Variants in MAGI1 observed in about 807,000 individuals in gnomAD.
MAGI1 encodes the protein membrane associated guanylate kinase, WW and PDZ domain containing 1.
MAGI1 carries 58 observed loss-of-function variants against 139.9 expected under a neutral mutation model. That is an observed-to-expected ratio of 0.41 (90% CI 0.34 to 0.52). The LOEUF is 0.52. Ranked by LOEUF, MAGI1 falls within the 20% of genes least tolerant of loss-of-function variation. MAGI1 has a pLI of 0.12. For missense variants in MAGI1, 1,874 were observed against 1,901.6 expected (o/e 0.99, Z 0.27); for synonymous variants, 812 against 737.9 (o/e 1.10, Z -1.63).
intron 1 of MAGI1, among the ~76,000 whole-genome samples, chr3:65,922,305 T>G (rs902998704): frequency 6.6e-6 from 1 of 152,172 alleles, no homozygotes; most frequent in African/African-American, 2.4e-5. Flanking sequence ...TGGAACCACA[T>G]GTGACCCTAT....
chr3:65,922,666 T>C (rs2062266398), intron 1 of MAGI1, among the ~76,000 whole-genome samples: 1 of 152,216 alleles, frequency 6.6e-6, no homozygotes. Flanking sequence ...CAGTTTGTGA[T>C]ATTTTATTAC....
chr3:65,554,015 T>C (rs1293497644), intron 2 of MAGI1, among the ~76,000 whole-genome samples: 4 of 152,248 alleles, frequency 2.6e-5, no homozygotes, highest in Non-Finnish European at 5.9e-5. Context: ...TGAGCTTTTT[T>C]AGATTTTTTT....
In MAGI1 at chr3:65,748,887, G is replaced by A. The variant is rs150435498; in HGVS notation, c.314-126799C>T. ...CTGGTGAAATGACACGGACAAAAGGGCAGAAACAACACAGGATCCCAAAGC... is the reference window on the plus strand; with the variant it reads ...CTGGTGAAATGACACGGACAAAAGGACAGAAACAACACAGGATCCCAAAGC... On this transcript the variant is annotated intron_variant, in intron 1 of 22. Transcript: ENST00000402939. Among the ~76,000 whole-genome samples, 20 of 152,240 alleles carry A rather than the reference G, an allele frequency of 1.3e-4. No homozygotes were observed. The East Asian group carries it at 3.9e-3, about 29-fold the overall frequency.
intron 1 of MAGI1, among the ~76,000 whole-genome samples, chr3:65,836,288 A>T (rs913912210): frequency 1.7e-4 from 26 of 152,322 alleles, no homozygotes; most frequent in African/African-American, 6.3e-4. Flanking sequence ...AGAAGAATAA[A>T]CCACTCTACT....
rs146163495 is a variant in MAGI1, at chr3:65,916,282, T to A, written c.313+121714A>T. ...CGGGGTTTCGCCATGATAGCTAGGC[T>A]GATCTCAAATTTCTGGCCTCAAGTG... is the stretch of plus-strand genomic sequence containing the variant. On this transcript the variant is annotated intron_variant, in intron 1 of 22. Transcript: ENST00000402939. 1.3e-3 allele frequency among the ~76,000 whole-genome samples: 204 copies of A among 152,262 alleles called. 1 individual carries two copies. Among genetic ancestry groups the A allele is most frequent in the Non-Finnish European group, 2.6e-3 (176 of 68,016 alleles).
intron 2 of MAGI1, among the ~76,000 whole-genome samples, chr3:65,606,961 G>C: frequency 6.6e-6 from 1 of 152,044 alleles, no homozygotes; most frequent in East Asian, 1.9e-4. Flanking sequence ...CCTGACCTAA[G>C]ACTGCTTTTC....
chr3:65,681,844 T>G (rs2087610215), intron 1 of MAGI1, among the ~76,000 whole-genome samples: 1 of 152,144 alleles, frequency 6.6e-6, no homozygotes, highest in South Asian at 2.1e-4. Context: ...TAATAAGAGT[T>G]TTGGCTTTTT....
At chr3:65,967,065 G>A (rs1275528837) in intron 1 of MAGI1, among the ~76,000 whole-genome samples, 1 of 152,176 alleles carries the variant, frequency 6.6e-6, no homozygotes, top group Non-Finnish European at 1.5e-5. Flanking sequence ...CAGAGTCACA[G>A]AGTTAGTGGA....
intron 1 of MAGI1, among the ~76,000 whole-genome samples, chr3:65,778,956 G>A (rs1464546826): frequency 2.0e-5 from 3 of 152,070 alleles, no homozygotes; most frequent in Non-Finnish European, 4.4e-5. Flanking sequence ...TGTCATCTAG[G>A]GGTCGAGACC....
rs1203465332 is a variant in MAGI1 at position 65,375,840 on chromosome 3, T to C, written c.3101A>G (p.Asn1034Ser). 3 of 1,614,110 alleles carry C rather than the reference T, an allele frequency of 1.9e-6. No individual in the cohort carries two copies. The highest frequency in any genetic ancestry group is 2.7e-5 in the African/African-American group (2 of 75,026). ...GGATTTGTTGGTGATGGAACATCCA[T>C]TTACTGCCAAGATCCGGTCTCCTAC... is the stretch of plus-strand genomic sequence containing the variant. Reference protein sequence around the residue: ...LKVGDRILAVNGCSITNKSHS... With the variant: ...LKVGDRILAVSGCSITNKSHS... The change falls in exon 18 of 23, where the codon AAT (asparagine) becomes AGT (serine). Residue 1034 changes from asparagine to serine, a missense_variant. Physicochemically the swap from Asn to Ser is conservative, Grantham distance 46. Coordinates refer to ENST00000402939, the MANE Select transcript of MAGI1 (RefSeq NM_001033057.2).
At chr3:65,714,566 G>C (rs1224223544) in intron 1 of MAGI1, among the ~76,000 whole-genome samples, 1 of 151,914 alleles carries the variant, frequency 6.6e-6, no homozygotes, top group Non-Finnish European at 1.5e-5. Context: ...CTTTATCTCT[G>C]ACCCAAGAGT....
chr3:65,561,672 A>G (rs1285015577), intron 2 of MAGI1, among the ~76,000 whole-genome samples: 1 of 152,254 alleles, frequency 6.6e-6, no homozygotes, highest in East Asian at 1.9e-4. Context: ...TATACATGAC[A>G]AAACTAAGAC....
intron 1 of MAGI1, among the ~76,000 whole-genome samples, chr3:65,781,567 T>C (rs1430803385): frequency 1.3e-5 from 2 of 152,218 alleles, no homozygotes; most frequent in African/African-American, 2.4e-5. Flanking sequence ...AATAGATTCA[T>C]TTAAAAAATT....
chr3:65,738,500 G>A (rs2034975617), intron 1 of MAGI1, among the ~76,000 whole-genome samples: 1 of 152,170 alleles, frequency 6.6e-6, no homozygotes, highest in Non-Finnish European at 1.5e-5. Flanking sequence ...ATGGCCTCTA[G>A]AATGGTAAAT....
intron 1 of MAGI1, among the ~76,000 whole-genome samples, chr3:65,834,971 T>A (rs953581345): frequency 3.3e-5 from 5 of 152,222 alleles, no homozygotes; most frequent in African/African-American, 1.2e-4. Flanking sequence ...CTGCCTATAT[T>A]GTTTCATTTG....
At chr3:65,978,349 T>C (rs1359166676) in intron 1 of MAGI1, among the ~76,000 whole-genome samples, 1 of 152,180 alleles carries the variant, frequency 6.6e-6, no homozygotes, top group East Asian at 1.9e-4. Context: ...TCCACACTGA[T>C]AAGTAGGAAA....
chr3:65,494,376 C>T (rs907440528), intron 2 of MAGI1, among the ~76,000 whole-genome samples: 10 of 152,282 alleles, frequency 6.6e-5, no homozygotes, highest in Middle Eastern at 3.4e-3. Context: ...AAAAAGTCAT[C>T]CAGCTCAGGT....
At chr3:65,656,476 T>C (rs1370719721) in intron 1 of MAGI1, among the ~76,000 whole-genome samples, 1 of 152,178 alleles carries the variant, frequency 6.6e-6, no homozygotes, top group East Asian at 1.9e-4. Context: ...ATGTTTTAGG[T>C]GCTTTTCAAT....
intron 1 of MAGI1, among the ~76,000 whole-genome samples, chr3:65,997,486 C>G (rs1017636106): frequency 5.3e-5 from 8 of 152,092 alleles, no homozygotes; most frequent in Non-Finnish European, 1.2e-4. Context: ...GAAACCCCAT[C>G]TCTACTAAAT....
Sources: gnomAD v4.1 joint callset for allele counts (sites outside exome capture counted in the v4.1 genomes callset) on GRCh38, gnomAD v4.1.1 for gene constraint, MANE v1.5 for transcripts, NCBI Gene and HGNC (gene_info 2026-07-23, HGNC 2026-07-21) for gene names.